The following GALNT14 variants were observed in gnomAD, a reference collection of about 807,000 sequenced individuals.
GALNT14 encodes the protein polypeptide N-acetylgalactosaminyltransferase 14, also known as UDP-GalNAc:polypeptide N-acetylgalactosaminyltransferase 14.
In GALNT14, 60 loss-of-function variants were observed where a neutral mutation model predicts 77.5. That is an observed-to-expected ratio of 0.77 (90% CI 0.63 to 0.96). The LOEUF (loss-of-function observed/expected upper bound fraction) is 0.96. Among genes scored for constraint, GALNT14 ranks in the 40% least tolerant of loss-of-function variants. The pLI is 0.00. For missense variants in GALNT14, 710 were observed against 731.0 expected (o/e 0.97, Z 0.33); for synonymous variants, 280 against 281.7 (o/e 0.99, Z 0.06).
rs561495285 is a variant in GALNT14 at position 30,957,664 on chromosome 2, G to A, written c.466+733C>T. On this transcript the variant is annotated intron_variant, in intron 4 of 14. Transcript: ENST00000349752. The stretch of plus-strand genomic sequence containing the variant: ...TTCGTACAGCAGACCGCAGTGTGGG[G>A]GTGGCTCCCAATGCCCAGCTTCCAG... Among the ~76,000 whole-genome samples, 9 of 152,320 alleles carry A rather than the reference G, an allele frequency of 5.9e-5. No homozygotes were observed. In the South Asian group the frequency reaches 1.2e-3, roughly 21 times the overall value.
At position 31,119,052 on chromosome 2, in the gene GALNT14, C is replaced by G. The variant is rs529407193; in HGVS notation, c.129+18906G>C. Among the ~76,000 whole-genome samples the G allele has an allele frequency of 1.4e-4, 21 of 151,966 alleles. No individual in the cohort carries two copies. In the South Asian group the frequency reaches 4.2e-3, roughly 30 times the overall value. On this transcript the variant is annotated intron_variant, in intron 1 of 14. Transcript: ENST00000349752. Reference sequence around the variant, plus strand: ...AATACAGTTGAATCCCTACCTCAAACCTGACATAAAAATAAATCCCAGATG... The same window carrying G: ...AATACAGTTGAATCCCTACCTCAAAGCTGACATAAAAATAAATCCCAGATG...
intron 1 of GALNT14, among the ~76,000 whole-genome samples, chr2:31,069,666 G>A (rs374848809): frequency 1.3e-4 from 20 of 152,202 alleles, no homozygotes; most frequent in African/African-American, 3.1e-4. Flanking sequence ...CAACCTCCCC[G>A]GAGCAGCAGG....
At chr2:31,023,171 AC>A (rs58277349) in intron 1 of GALNT14, among the ~76,000 whole-genome samples, 55,820 of 151,042 alleles carry the variant, frequency 0.37, 10,762 homozygotes, top group East Asian at 0.55. Flanking sequence ...AAAAACAAAA[AC>A]AAAAACAAAA....
intron 1 of GALNT14, among the ~76,000 whole-genome samples, chr2:31,019,111 G>C (rs1428551221): frequency 6.6e-6 from 1 of 152,070 alleles, no homozygotes; most frequent in South Asian, 2.1e-4. Context: ...CCACAGCCTG[G>C]CATAAGGCAG....
chr2:30,946,854 G>A (rs1251244837), intron 6 of GALNT14, among the ~76,000 whole-genome samples: 1 of 152,110 alleles, frequency 6.6e-6, no homozygotes, highest in Non-Finnish European at 1.5e-5. Context: ...ACCAGGCCCC[G>A]ACTTCCCTGT....
chr2:31,051,856 C>A (rs991722626), intron 1 of GALNT14, among the ~76,000 whole-genome samples: 48 of 152,182 alleles, frequency 3.2e-4, no homozygotes, highest in Non-Finnish European at 5.7e-4. Flanking sequence ...TTTCCTTGTA[C>A]TCAAAAGTGA....
intron 1 of GALNT14, among the ~76,000 whole-genome samples, chr2:31,014,773 C>G (rs17010549): frequency 0.23 from 35,053 of 152,072 alleles, 4,834 homozygotes; most frequent in African/African-American, 0.36. Context: ...AGCACCCCTG[C>G]GTTTACCATG....
intron 2 of GALNT14, among the ~76,000 whole-genome samples, chr2:30,971,708 C>T (rs1668366131): frequency 6.6e-6 from 1 of 152,028 alleles, no homozygotes; most frequent in African/African-American, 2.4e-5. Flanking sequence ...GAGGAGTGGC[C>T]CCTCTTTCCT....
intron 1 of GALNT14, chr2:31,079,093 CA>C: frequency 1.6e-6 from 2 of 1,225,994 alleles, no homozygotes; most frequent in Admixed American, 2.8e-5. Flanking sequence ...CATGAAAATG[CA>C]TATGATGATA....
At chr2:30,935,331 G>T (rs1665987902) in intron 9 of GALNT14, among the ~76,000 whole-genome samples, 1 of 152,168 alleles carries the variant, frequency 6.6e-6, no homozygotes, top group African/African-American at 2.4e-5. Context: ...TGGATGCAAA[G>T]AAACCAACTT....
intron 1 of GALNT14, among the ~76,000 whole-genome samples, chr2:31,039,871 A>T (rs974859620): frequency 6.6e-6 from 1 of 152,126 alleles, no homozygotes; most frequent in Non-Finnish European, 1.5e-5. Flanking sequence ...TACTTCATAA[A>T]CTTCACATGA....
chr2:31,070,179 C>A (rs1177999785), intron 1 of GALNT14, among the ~76,000 whole-genome samples: 1 of 152,190 alleles, frequency 6.6e-6, no homozygotes, highest in African/African-American at 2.4e-5. Flanking sequence ...GGACTTCTTC[C>A]CAGGTTGACC....
chr2:30,955,921 C>A lies in GALNT14; in HGVS notation c.523G>T (p.Glu175Ter). The change falls in exon 5 of 15, where the codon GAA (glutamate) becomes TAA (stop). Residue 175 changes from glutamate (E) to a stop codon, truncating the protein, a stop_gained. Coordinates refer to ENST00000349752, the MANE Select transcript of GALNT14 (RefSeq NM_024572.4). LOFTEE classifies it high-confidence loss of function. ...AACAGCTCAGACCTACCTTGCCGTT[C>A]ATTATTGCGCAAGCATTTCACCTTG... is the stretch of plus-strand genomic sequence containing the variant. Reference protein sequence around the residue: ...LPKVKCLRNNERQGLVRSRIR... With the variant: ...LPKVKCLRNN 6.2e-7 allele frequency: 1 copy of A among 1,614,034 alleles called. No individual in the cohort carries two copies. The highest frequency in any genetic ancestry group is 1.1e-5 in the South Asian group (1 of 91,058).
At chr2:30,958,353 AACAG>A in intron 4 of GALNT14, 40 bp downstream of exon 4, 1 of 1,545,764 alleles carries the variant, frequency 6.5e-7, no homozygotes, top group Non-Finnish European at 8.9e-7. Context: ...AGTGGCTGGG[AACAG>A]ACATTCGTGT....
chr2:31,125,603 T>C (rs1175892663), intron 1 of GALNT14, among the ~76,000 whole-genome samples: 3 of 152,150 alleles, frequency 2.0e-5, no homozygotes, highest in Non-Finnish European at 4.4e-5. Flanking sequence ...GAAATGCACA[T>C]TATAAAAAGG....
intron 1 of GALNT14, among the ~76,000 whole-genome samples, chr2:31,104,301 G>A (rs1677438792): frequency 6.6e-6 from 1 of 152,106 alleles, no homozygotes; most frequent in Admixed American, 6.6e-5. Context: ...CCTCTAGATG[G>A]TGACATTTTA....
chr2:31,103,490 AAC>A (rs58852483), intron 1 of GALNT14, among the ~76,000 whole-genome samples: 14 of 150,180 alleles, frequency 9.3e-5, no homozygotes, highest in Non-Finnish European at 1.5e-5. Context: ...AGAAGAAGGA[AAC>A]ACACACACAC....
intron 2 of GALNT14, among the ~76,000 whole-genome samples, chr2:30,983,802 C>T (rs1162255922): frequency 3.5e-5 from 1 of 28,552 alleles, no homozygotes; most frequent in Non-Finnish European, 7.5e-5. Context: ...CACACACACA[C>T]ACACACGTAT....
intron 1 of GALNT14, among the ~76,000 whole-genome samples, chr2:30,993,637 G>A (rs958169997): frequency 1.3e-5 from 2 of 152,194 alleles, no homozygotes; most frequent in Non-Finnish European, 1.5e-5. Flanking sequence ...AAGCATCAAT[G>A]GGGGAGTGAG....
Sources: allele counts gnomAD v4.1 joint callset (sites outside exome capture counted in the v4.1 genomes callset), GRCh38; gene constraint gnomAD v4.1.1; transcripts MANE v1.5; gene names NCBI Gene and HGNC (gene_info 2026-07-23, HGNC 2026-07-21).